Variants in APC observed in about 807,000 individuals in gnomAD.
The protein encoded by APC is APC regulator of Wnt signaling pathway.
In APC, 72 loss-of-function variants were observed where a neutral mutation model predicts 247.0. The ratio of observed to expected loss-of-function variants is 0.29; its 90% CI spans 0.24 to 0.35. The LOEUF (loss-of-function observed/expected upper bound fraction) is 0.35, where lower values mean the gene tolerates loss of function less well. Ranked by LOEUF, APC falls within the 10% of genes least tolerant of loss-of-function variation. APC has a pLI of 1.00. For missense variants in APC, 3,400 were observed against 3,360.7 expected (o/e 1.01, Z -0.29); for synonymous variants, 1,254 against 1,162.5 (o/e 1.08, Z -1.60).
rs1766416622 is a variant in APC, at chr5:112,842,811, A to G, written c.7217A>G (p.Asn2406Ser). The G allele has an allele frequency of 6.2e-7, 1 of 1,613,430 alleles. No individual in the cohort carries two copies. The highest frequency in any genetic ancestry group is 1.3e-5 in the African/African-American group (1 of 74,920). Reference protein sequence around the residue: ...SASKGLNQMNNGNGANKKVEL... With the variant: ...SASKGLNQMNSGNGANKKVEL... The stretch of plus-strand genomic sequence containing the variant: ...TCCAAAGGACTAAATCAGATGAATA[A>G]TGGTAATGGAGCCAATAAAAAGGTA... Residue 2406 changes from asparagine to serine, a missense_variant, in exon 16 of 16, where the codon AAT becomes AGT. Coordinates refer to ENST00000257430, the MANE Select transcript of APC (RefSeq NM_000038.6).
At position 112,837,414 on chromosome 5, in the gene APC, C is replaced by A. The variant is rs78611569; in HGVS notation, c.1959-139C>A. ...CATTAAACATTACATGAAATTAGAA[C>A]AAAAGGAGATGTGGAATACTTGGAA... On this transcript the variant is annotated intron_variant, in intron 15 of 15. Coordinates refer to ENST00000257430, the MANE Select transcript of APC (RefSeq NM_000038.6). 15 of 504,248 alleles carry A rather than the reference C, an allele frequency of 3.0e-5. No individual in the cohort carries two copies. The highest frequency in any genetic ancestry group is 4.7e-5 in the Non-Finnish European group (14 of 295,856). The allele number at this position is 504,248 out of a possible 1,614,324, so 31.2% of individuals were successfully genotyped here.
chr5:112,744,753 G>A (rs549919274), intron 1 of APC, among the ~76,000 whole-genome samples: 2 of 152,164 alleles, frequency 1.3e-5, no homozygotes, highest in Non-Finnish European at 2.9e-5. Context: ...CTTGAGGAAG[G>A]TTATCTTGGA....
At chr5:112,802,065 A>G (rs182139262) in intron 8 of APC, among the ~76,000 whole-genome samples, 11 of 152,198 alleles carry the variant, frequency 7.2e-5, no homozygotes, top group South Asian at 2.1e-4. Flanking sequence ...ATTTTCTTCA[A>G]TGAATATTTT....
chr5:112,707,774 C>G lies in APC; in HGVS notation c.57C>G (p.Pro19=). ...CCCCTTTGCCCGCTTCTGTACCACC[C>G]TCAGTTCTCGGGTCCTGGAGCACCG... Residue 19 remains proline (P), a synonymous_variant, in exon 1 of 14, where the codon CCC becomes CCG. Coordinates refer to the APC transcript ENST00000507379. 2 of 1,370,680 alleles carry G rather than the reference C, an allele frequency of 1.5e-6. No individual in the cohort carries two copies. The highest frequency in any genetic ancestry group is 1.9e-6 in the Non-Finnish European group (2 of 1,038,806). The allele number at this position is 1,370,680 out of a possible 1,614,324, so 84.9% of individuals were successfully genotyped here. A position where few individuals can be genotyped will look rare whatever the true frequency, so the allele number is the denominator to read the frequency against.
chr5:112,810,184 G>GATCA (rs1445777534), intron 8 of APC: 6 of 455,742 alleles, frequency 1.3e-5, no homozygotes, highest in South Asian at 9.3e-5. Context: ...GAAGAGAGTT[G>GATCA]AAGATCCCTA....
At chr5:112,773,393 A>G (rs1048361160) in intron 4 of APC, among the ~76,000 whole-genome samples, 4 of 152,180 alleles carry the variant, frequency 2.6e-5, no homozygotes, top group South Asian at 2.1e-4. Context: ...ATGGAAATCA[A>G]AATTTTCTAC....
At chr5:112,762,008 TATTA>T (rs1402951858) in intron 2 of APC, among the ~76,000 whole-genome samples, 1 of 151,826 alleles carries the variant, frequency 6.6e-6, no homozygotes, top group Admixed American at 6.5e-5. Context: ...GTTCAGAATA[TATTA>T]AGTAATTCCT....
chr5:112,721,876 GA>G (rs1333801732), intron 1 of APC, among the ~76,000 whole-genome samples: 1 of 151,666 alleles, frequency 6.6e-6, no homozygotes, highest in Non-Finnish European at 1.5e-5. Context: ...TGATGAGCTT[GA>G]AAAAAAATTG....
intron 7 of APC, among the ~76,000 whole-genome samples, chr5:112,797,548 G>C (rs1320643626): frequency 6.6e-6 from 1 of 152,144 alleles, no homozygotes; most frequent in East Asian, 1.9e-4. Context: ...TCAAAACTCA[G>C]AAGTTACATA....
intron 7 of APC, among the ~76,000 whole-genome samples, chr5:112,793,272 A>G (rs1759843281): frequency 6.6e-6 from 1 of 152,090 alleles, no homozygotes; most frequent in Admixed American, 6.6e-5. Context: ...AACCTTGTTT[A>G]ATTGAACGTG....
chr5:112,783,630 C>CAAAAAAAA (rs563801773), intron 6 of APC: 1 of 80,328 alleles, frequency 1.2e-5, no homozygotes, highest in African/African-American at 5.1e-5. Flanking sequence ...CTGCCTCTAC[C>CAAAAAAAA]AAAAAAAAAA....
At chr5:112,787,410 A>G (rs1759093757) in intron 6 of APC, among the ~76,000 whole-genome samples, 1 of 152,116 alleles carries the variant, frequency 6.6e-6, no homozygotes, top group African/African-American at 2.4e-5. Context: ...TAATCTTTTT[A>G]GTTTACATTC....
At chr5:112,773,868 C>T (rs1487686617) in intron 4 of APC, among the ~76,000 whole-genome samples, 2 of 152,020 alleles carry the variant, frequency 1.3e-5, no homozygotes, top group Admixed American at 1.3e-4. Context: ...AATGTTTAAT[C>T]TCACTCATAG....
intron 8 of APC, chr5:112,810,100 A>T: frequency 2.2e-6 from 1 of 456,012 alleles, no homozygotes; most frequent in Non-Finnish European, 4.4e-6. Context: ...TATAAGTTTG[A>T]GAGAAAATTT....
At chr5:112,733,688 A>T (rs1752209425), upstream of APC, among the ~76,000 whole-genome samples, 1 of 152,212 alleles carries the variant, frequency 6.6e-6, no homozygotes, top group South Asian at 2.1e-4. Flanking sequence ...GTAAGTTATC[A>T]AATGTGTGTT....
intron 2 of APC, among the ~76,000 whole-genome samples, chr5:112,756,496 A>G (rs913641967): frequency 2.0e-5 from 3 of 152,242 alleles, no homozygotes; most frequent in African/African-American, 7.2e-5. Flanking sequence ...TATACTTGGC[A>G]TGTGTTTTTA....
chr5:112,759,778 C>T (rs750820766), intron 2 of APC, among the ~76,000 whole-genome samples: 1 of 152,190 alleles, frequency 6.6e-6, no homozygotes, highest in Non-Finnish European at 1.5e-5. Flanking sequence ...TGAATATTCT[C>T]TCCTTCAAAA....
Position 112,718,610 on chromosome 5 carries a change from A to G in APC, c.165+10728A>G, listed in dbSNP as rs544486475. On this transcript the variant is annotated intron_variant, in intron 1 of 13. Transcript: ENST00000507379. Reference sequence around the variant, plus strand: ...AATGCTTCTTTGTTGGCAAACTCACAAAAGGCAAAAGCTGGGGTCACCTTT... The same window carrying G: ...AATGCTTCTTTGTTGGCAAACTCACGAAAGGCAAAAGCTGGGGTCACCTTT... 3.3e-5 allele frequency among the ~76,000 whole-genome samples: 5 copies of G among 152,358 alleles called. No individual in the cohort carries two copies. In the East Asian group the frequency reaches 9.6e-4, roughly 29 times the overall value.
At chr5:112,812,960 G>A (rs769492313) in intron 8 of APC, among the ~76,000 whole-genome samples, 9 of 152,064 alleles carry the variant, frequency 5.9e-5, no homozygotes, top group Admixed American at 2.0e-4. Context: ...TTACTAATTA[G>A]TTTTGTCCTA....
Sources: allele counts gnomAD v4.1 joint callset (sites outside exome capture counted in the v4.1 genomes callset), GRCh38; gene constraint gnomAD v4.1.1; transcripts MANE v1.5; gene names NCBI Gene and HGNC (gene_info 2026-07-23, HGNC 2026-07-21).